Variants in BTK observed in about 807,000 individuals in gnomAD.
BTK encodes tyrosine-protein kinase BTK.
Under a neutral mutation model 57.4 loss-of-function variants are expected in BTK, and 5 were observed. The observed-to-expected ratio is 0.09, with a 90% CI of 0.05 to 0.18. BTK has a LOEUF of 0.18. BTK is among the 10% of genes least tolerant of loss of function. The probability of loss-of-function intolerance (pLI) is 1.00; values close to 1 mark genes in which losing one functional copy is unlikely to be tolerated. For synonymous variants in BTK, 154 were observed against 174.3 expected, an observed-to-expected ratio of 0.88 and a Z score of 0.92; for missense variants, 194 against 501.2, an observed-to-expected ratio of 0.39 and a Z score of 5.85.
intron 5 of BTK, among the ~76,000 whole-genome samples, chrX:101,366,961 C>G (rs782059986): frequency 8.9e-6 from 1 of 112,415 alleles, no homozygotes; most frequent in Non-Finnish European, 1.9e-5. Flanking sequence ...AAACCAAGCT[C>G]GGCTGGGCAT....
At chrX:101,382,920 C>T (rs1056301984) in intron 1 of BTK, among the ~76,000 whole-genome samples, 4 of 111,676 alleles carry the variant, frequency 3.6e-5, no homozygotes, top group African/African-American at 1.3e-4. Flanking sequence ...GTCCCAGCTA[C>T]TCAGGAGGCT....
chrX:101,352,331 T>C (rs1419230063), intron 18 of BTK, among the ~76,000 whole-genome samples: 2 of 111,860 alleles, frequency 1.8e-5, no homozygotes, highest in Non-Finnish European at 3.8e-5. Flanking sequence ...CTGCTTATGC[T>C]AGATGACATG....
chrX:101,358,248 C>T, intron 12 of BTK, 62 bp downstream of exon 12: 1 of 1,199,810 alleles, frequency 8.3e-7, no homozygotes, highest in Non-Finnish European at 1.1e-6. Flanking sequence ...CTCTTATCAC[C>T]TTGTCCTGCA....
chrX:101,370,929 A>G (rs1927010444), intron 4 of BTK, among the ~76,000 whole-genome samples: 1 of 112,713 alleles, frequency 8.9e-6, no homozygotes, highest in Non-Finnish European at 1.9e-5. Context: ...TAAATTTGAT[A>G]TAGTCAGGGA....
chrX:101,360,287 C>G, intron 8 of BTK, 137 bp from the exon 9 acceptor site: 1 of 553,732 alleles, frequency 1.8e-6, no homozygotes, highest in Non-Finnish European at 3.2e-6. Context: ...CAAAGACAAT[C>G]ATGTCTCTGA....
rs1011300413 is a variant in BTK, at chrX:101,351,120, T to C, written c.1909-1164A>G. ...AAGTCATTCTCCTGCCTCAGCCTCC[T>C]GAGTAGCTGAGATTACAGGCACACA... is the stretch of plus-strand genomic sequence containing the variant. On this transcript the variant is annotated intron_variant, in intron 18 of 18. Coordinates refer to ENST00000308731, the MANE Select transcript of BTK (RefSeq NM_000061.3). Among the ~76,000 whole-genome samples the C allele has an allele frequency of 2.7e-5, 3 of 111,545 alleles. No homozygotes were observed. The East Asian group carries it at 8.5e-4, about 32-fold the overall frequency.
intron 1 of BTK, among the ~76,000 whole-genome samples, chrX:101,376,586 C>T (rs1555981081): frequency 9.0e-6 from 1 of 111,222 alleles, no homozygotes; most frequent in East Asian, 2.8e-4. Flanking sequence ...GAGATTGTGC[C>T]ATTATACTCC....
At chrX:101,370,665 T>TC (rs1926996529) in intron 4 of BTK, among the ~76,000 whole-genome samples, 1 of 111,821 alleles carries the variant, frequency 8.9e-6, no homozygotes, top group South Asian at 3.7e-4. Flanking sequence ...TATCATCAAG[T>TC]CAAATAGTAT....
intron 1 of BTK, among the ~76,000 whole-genome samples, chrX:101,382,485 C>T (rs1927481336): frequency 9.0e-6 from 1 of 110,661 alleles, no homozygotes; most frequent in Non-Finnish European, 1.9e-5. Flanking sequence ...CACCATGACA[C>T]CTGCCTCGGC....
chrX:101,358,126 G>A (rs782713780), intron 12 of BTK, 184 bp downstream of exon 12: 8 of 627,711 alleles, frequency 1.3e-5, no homozygotes, highest in Admixed American at 4.6e-5. Context: ...TAAAGAGTCA[G>A]TCCCTGTTGG....
upstream of BTK, among the ~76,000 whole-genome samples, chrX:101,389,514 T>C (rs1884562916): frequency 9.0e-6 from 1 of 111,381 alleles, no homozygotes; most frequent in Admixed American, 9.6e-5. Context: ...ATTATCTCAT[T>C]CCCAGAGACC....
chrX:101,361,574 T>C (rs1240726777), intron 7 of BTK, among the ~76,000 whole-genome samples: 1 of 110,360 alleles, frequency 9.1e-6, no homozygotes, highest in East Asian at 2.8e-4. Context: ...AAGTGTTGAG[T>C]ATGTTGGTAT....
intron 6 of BTK, 150 bp from the exon 7 acceptor site, chrX:101,362,390 G>T (rs1160446902): frequency 1.9e-5 from 19 of 974,592 alleles, no homozygotes; most frequent in African/African-American, 9.5e-5. Flanking sequence ...AGCTTGGAGA[G>T]CAGATTACCA....
chrX:101,374,277 T>C (rs782003020), intron 3 of BTK: 1 of 348,806 alleles, frequency 2.9e-6, no homozygotes, highest in South Asian at 3.6e-5. Flanking sequence ...ATCAATGATC[T>C]CTGACCAGTT....
chrX:101,350,459 T>C (rs1324677924), intron 18 of BTK, among the ~76,000 whole-genome samples: 21 of 103,149 alleles, frequency 2.0e-4, no homozygotes, highest in Non-Finnish European at 3.4e-4. Context: ...GTTTTTTTTT[T>C]TTTTTCTTTT....
In BTK at chrX:101,358,252, T is replaced by C; in HGVS notation, c.1102+58A>G. 3.3e-6 allele frequency: 4 copies of C among 1,201,922 alleles called. No individual in the cohort carries two copies. In the South Asian group the frequency reaches 7.0e-5, roughly 21 times the overall value. On this transcript the variant is annotated intron_variant, in intron 12 of 18. Coordinates refer to ENST00000308731, the MANE Select transcript of BTK (RefSeq NM_000061.3). ...GCAGATTCTTCCTCTTATCACCTTGTCCTGCATTGCTTATCCTGGTGTCTG... is the reference window on the plus strand; with the variant it reads ...GCAGATTCTTCCTCTTATCACCTTGCCCTGCATTGCTTATCCTGGTGTCTG...
intron 5 of BTK, among the ~76,000 whole-genome samples, chrX:101,368,945 T>C (rs782259640): frequency 1.8e-5 from 2 of 112,081 alleles, no homozygotes; most frequent in African/African-American, 6.5e-5. Context: ...AACCCAACCA[T>C]ACCATTATCA....
chrX:101,385,792 A>G (rs1555982410), intron 1 of BTK, among the ~76,000 whole-genome samples: 3 of 111,704 alleles, frequency 2.7e-5, no homozygotes, highest in African/African-American at 9.8e-5. Flanking sequence ...CCCCTTTCTA[A>G]CATTTGCTAC....
chrX:101,385,593 C>T (rs3027605), intron 1 of BTK, among the ~76,000 whole-genome samples: 3,581 of 112,439 alleles, frequency 0.032, 150 homozygotes, highest in African/African-American at 0.11. Context: ...TCACAAAGGT[C>T]AACTTCATAA....
Sources: allele counts gnomAD v4.1 joint callset (sites outside exome capture counted in the v4.1 genomes callset), GRCh38; gene constraint gnomAD v4.1.1; transcripts MANE v1.5; gene names NCBI Gene and HGNC (gene_info 2026-07-23, HGNC 2026-07-21).